Variants in OPCML observed in about 807,000 individuals in gnomAD.
OPCML encodes opioid binding protein/cell adhesion molecule like.
A neutral mutation model predicts 37.8 loss-of-function variants in OPCML; 13 were observed. The ratio of observed to expected loss-of-function variants is 0.34; its 90% CI spans 0.22 to 0.55. OPCML has a LOEUF of 0.55. OPCML is among the 20% of genes least tolerant of loss of function. The probability of loss-of-function intolerance (pLI) is 0.91; values close to 1 mark genes in which losing one functional copy is unlikely to be tolerated. For synonymous variants in OPCML, 176 were observed against 168.8 expected, an observed-to-expected ratio of 1.04 and a Z score of -0.33; for missense variants, 341 against 435.6, an observed-to-expected ratio of 0.78 and a Z score of 1.93.
chr11:132,865,698 C>T lies in OPCML; in HGVS notation c.146+77228G>A, dbSNP rs145801238. ...GGAGTCGCCAAGACCAAGGCCAAATCGAGAGCAATGATCTGAGAACATGGC... is the reference window on the plus strand; with the variant it reads ...GGAGTCGCCAAGACCAAGGCCAAATTGAGAGCAATGATCTGAGAACATGGC... On this transcript the variant is annotated intron_variant, in intron 2 of 7. Coordinates refer to ENST00000524381, the MANE Select transcript of OPCML (RefSeq NM_001012393.5). Among the ~76,000 whole-genome samples, 564 of 152,282 alleles carry T rather than the reference C, an allele frequency of 3.7e-3. 5 individuals carry two copies. Among genetic ancestry groups the T allele is most frequent in the African/African-American group, 0.013 (536 of 41,568 alleles).
At chr11:132,725,738 G>A (rs180734755) in intron 2 of OPCML, among the ~76,000 whole-genome samples, 270 of 144,994 alleles carry the variant, frequency 1.9e-3, no homozygotes, top group Non-Finnish European at 2.8e-3. Context: ...CCGAGATCAC[G>A]CCACTGCACT....
At chr11:132,625,386 C>A (rs1939677417) in intron 3 of OPCML, among the ~76,000 whole-genome samples, 2 of 152,122 alleles carry the variant, frequency 1.3e-5, no homozygotes, top group South Asian at 4.2e-4. Flanking sequence ...TTGTTGACTC[C>A]TGTCACCTCA....
intron 1 of OPCML, among the ~76,000 whole-genome samples, chr11:133,503,973 G>A (rs1363315239): frequency 6.6e-6 from 1 of 152,208 alleles, no homozygotes; most frequent in Admixed American, 6.5e-5. Flanking sequence ...ACAAGGACAA[G>A]AGAGCTCCAG....
chr11:132,664,987 A>G (rs1168381931), intron 2 of OPCML, among the ~76,000 whole-genome samples: 1 of 152,178 alleles, frequency 6.6e-6, no homozygotes, highest in Admixed American at 6.5e-5. Flanking sequence ...CTGACATAAC[A>G]TGACATCTGC....
intron 1 of OPCML, among the ~76,000 whole-genome samples, chr11:133,529,362 A>T (rs899339474): frequency 3.9e-5 from 6 of 152,192 alleles, no homozygotes; most frequent in Admixed American, 1.3e-4. Flanking sequence ...CCACCAGCCC[A>T]GACTATCTCT....
intron 2 of OPCML, among the ~76,000 whole-genome samples, chr11:132,757,357 A>T (rs1249626047): frequency 6.6e-6 from 1 of 152,182 alleles, no homozygotes; most frequent in African/African-American, 2.4e-5. Flanking sequence ...CTGGTTCTAG[A>T]TCCTTGAGGA....
At chr11:133,483,553 G>A (rs774507868) in intron 1 of OPCML, among the ~76,000 whole-genome samples, 1 of 151,756 alleles carries the variant, frequency 6.6e-6, no homozygotes, top group Non-Finnish European at 1.5e-5. Context: ...TAGATAGATA[G>A]ATAACTAGAC....
chr11:133,070,361 GA>G lies in OPCML; in HGVS notation c.62-127352del, dbSNP rs541481454. Reference sequence around the variant, plus strand: ...GTCCCTGTTCTGTCTAAAGCTCCCGGAACCCCCTTGGCCCTTCTGCTAGTTG... The same window carrying G: ...GTCCCTGTTCTGTCTAAAGCTCCCGGACCCCCTTGGCCCTTCTGCTAGTTG... On this transcript the variant is annotated intron_variant, in intron 1 of 7. Coordinates refer to ENST00000524381, the MANE Select transcript of OPCML (RefSeq NM_001012393.5). Among the ~76,000 whole-genome samples, 75 of 152,218 alleles carry G rather than the reference GA, an allele frequency of 4.9e-4. 2 individuals carry two copies. In the East Asian group the frequency reaches 0.011, roughly 22 times the overall value.
At chr11:132,592,455 A>C (rs2096486021) in intron 3 of OPCML, among the ~76,000 whole-genome samples, 1 of 152,248 alleles carries the variant, frequency 6.6e-6, no homozygotes, top group Non-Finnish European at 1.5e-5. Context: ...GAGAGACAGC[A>C]AAGGGCCAGG....
intron 1 of OPCML, among the ~76,000 whole-genome samples, chr11:133,181,256 C>A (rs571253760): frequency 6.7e-6 from 1 of 149,776 alleles, no homozygotes; most frequent in Non-Finnish European, 1.5e-5. Flanking sequence ...ACACACACAG[C>A]GGTGCACAAG....
intron 1 of OPCML, among the ~76,000 whole-genome samples, chr11:133,352,761 C>T (rs1188111672): frequency 3.3e-5 from 5 of 152,094 alleles, no homozygotes; most frequent in East Asian, 1.9e-4. Flanking sequence ...TAGTAAAAAT[C>T]GCTGTTTTCA....
rs780275496 is a variant in OPCML, at chr11:132,437,253, G to A, written c.612C>T (p.Pro204=). The part of the protein sequence containing the change: ...ECSALNDVAA[P]DVRKVKITVN... ...CAGTGATTTTTACTTTCCGCACATC[G>A]GGCGCAGCGACATCGTTCAACGCGC... The change falls in exon 5 of 8, where the codon CCC becomes CCT. Residue 204 remains proline, a synonymous_variant. Coordinates refer to ENST00000524381, the MANE Select transcript of OPCML (RefSeq NM_001012393.5). The A allele has an allele frequency of 2.8e-5, 45 of 1,613,916 alleles. No individual in the cohort carries two copies. The highest frequency in any genetic ancestry group is 5.0e-5 in the Admixed American group (3 of 59,974).
intron 1 of OPCML, among the ~76,000 whole-genome samples, chr11:133,412,236 G>A (rs1945666293): frequency 6.6e-6 from 1 of 152,190 alleles, no homozygotes; most frequent in Non-Finnish European, 1.5e-5. Flanking sequence ...AACAATTGGA[G>A]AGGCCCACCT....
chr11:132,659,229 T>A (rs974554387), intron 2 of OPCML, among the ~76,000 whole-genome samples: 6 of 152,230 alleles, frequency 3.9e-5, no homozygotes, highest in Non-Finnish European at 7.3e-5. Flanking sequence ...GAAGACCTAA[T>A]GGATCTTAAA....
intron 4 of OPCML, among the ~76,000 whole-genome samples, chr11:132,523,737 A>T (rs1032813678): frequency 6.6e-6 from 1 of 152,248 alleles, no homozygotes; most frequent in Non-Finnish European, 1.5e-5. Flanking sequence ...GTTACAATAT[A>T]AAGATGAGGC....
chr11:132,505,754 G>A (rs1475768227), intron 4 of OPCML, among the ~76,000 whole-genome samples: 1 of 151,990 alleles, frequency 6.6e-6, no homozygotes, highest in Non-Finnish European at 1.5e-5. Context: ...GACAGAAGGA[G>A]ATTAAGAAAG....
At chr11:133,021,940 C>T (rs922529789) in intron 1 of OPCML, among the ~76,000 whole-genome samples, 1 of 152,178 alleles carries the variant, frequency 6.6e-6, no homozygotes, top group Non-Finnish European at 1.5e-5. Context: ...TAAGCACATG[C>T]AGTGATCTGA....
chr11:133,057,300 C>A (rs1424207964), intron 1 of OPCML, among the ~76,000 whole-genome samples: 3 of 152,202 alleles, frequency 2.0e-5, no homozygotes. Context: ...CAATGTAGAT[C>A]ATAGATTGGC....
At chr11:132,989,310 T>C (rs1278976165) in intron 1 of OPCML, among the ~76,000 whole-genome samples, 1 of 152,082 alleles carries the variant, frequency 6.6e-6, no homozygotes, top group East Asian at 1.9e-4. Flanking sequence ...CCAACGCAAA[T>C]GAACCACAGC....
Sources: allele counts gnomAD v4.1 joint callset (sites outside exome capture counted in the v4.1 genomes callset), GRCh38; gene constraint gnomAD v4.1.1; transcripts MANE v1.5; gene names NCBI Gene and HGNC (gene_info 2026-07-23, HGNC 2026-07-21).